Variants in LIG1 observed in about 807,000 individuals in gnomAD.
LIG1 encodes the protein ligase I, DNA, ATP-dependent.
Under a neutral mutation model 115.7 loss-of-function variants are expected in LIG1, and 70 were observed. The ratio of observed to expected loss-of-function variants is 0.60; its 90% CI spans 0.50 to 0.74. The LOEUF is 0.74. Among genes scored for constraint, LIG1 ranks in the 30% least tolerant of loss-of-function variants. The probability of loss-of-function intolerance (pLI) is 0.00; values close to 1 mark genes in which losing one functional copy is unlikely to be tolerated. For synonymous variants in LIG1, 487 were observed against 495.3 expected (o/e 0.98, Z 0.22); for missense variants, 1,115 against 1,225.6 (o/e 0.91, Z 1.35).
At chr19:48,156,410 G>A (rs754452983) in intron 5 of LIG1, among the ~76,000 whole-genome samples, 7 of 152,198 alleles carry the variant, frequency 4.6e-5, no homozygotes, top group Admixed American at 1.3e-4. Flanking sequence ...CCCCGACTGA[G>A]GGCTGGGCCC....
At chr19:48,165,816 A>T in intron 1 of LIG1, 193 bp from the exon 2 acceptor site, 1 of 617,146 alleles carries the variant, frequency 1.6e-6, no homozygotes, top group Non-Finnish European at 2.9e-6. Context: ...AAAAGCTCCA[A>T]ATCAGAGAAA....
At chr19:48,156,727 G>A (rs914034241) in intron 5 of LIG1, among the ~76,000 whole-genome samples, 6 of 152,176 alleles carry the variant, frequency 3.9e-5, no homozygotes, top group African/African-American at 1.2e-4. Flanking sequence ...CGGATCACGA[G>A]GTCAGGAGTT....
In LIG1 at chr19:48,143,418, T is replaced by C. The variant is rs2034902554; in HGVS notation, c.914+125A>G. The C allele has an allele frequency of 1.1e-5, 10 of 885,504 alleles. No homozygotes were observed. The South Asian group carries it at 1.2e-4, about 10-fold the overall frequency. 54.9% of individuals were successfully genotyped at this position (885,504 alleles called of 1,614,324 possible). On this transcript the variant is annotated intron_variant, in intron 11 of 27. Transcript: ENST00000263274. ...TGACCATGTCTGACATCCATGATCA[T>C]ACGCCCGAGCGGGGTCAGAGGCCAA...
In LIG1 at chr19:48,149,762, C is replaced by A; in HGVS notation, c.776+1G>T. On this transcript the variant is annotated splice_donor_variant, in intron 9 of 27. Transcript: ENST00000263274. LOFTEE classifies it high-confidence loss of function. ...CTTTCCAGACCTGGACACTGACTCA[C>A]CCCTCAGCAGCTCCCTCCTTTCCTG... is the stretch of plus-strand genomic sequence containing the variant. 1 of 1,612,962 alleles carries A rather than the reference C, an allele frequency of 6.2e-7. No individual in the cohort carries two copies. The highest frequency in any genetic ancestry group is 8.5e-7 in the Non-Finnish European group (1 of 1,178,920).
chr19:48,124,942 G>A (rs999826754), intron 21 of LIG1, among the ~76,000 whole-genome samples: 12 of 151,554 alleles, frequency 7.9e-5, no homozygotes, highest in African/African-American at 2.9e-4. Context: ...TTGAACGCCA[G>A]AGGCGGAGGC....
intron 6 of LIG1, among the ~76,000 whole-genome samples, 182 bp downstream of exon 6, chr19:48,153,677 CACACACACACACA>C (rs1404338457): frequency 1.4e-5 from 2 of 145,156 alleles, no homozygotes; most frequent in African/African-American, 5.3e-5. Flanking sequence ...CACACACACA[CACACACACACACA>C]CCTCTCCTTC....
At chr19:48,117,557 CA>C (rs1168764397) in intron 26 of LIG1, 80 bp downstream of exon 26, 3 of 1,458,014 alleles carry the variant, frequency 2.1e-6, no homozygotes, top group Middle Eastern at 2.4e-4. Flanking sequence ...AGATGTGAGC[CA>C]AGGTCCCCTC....
In LIG1 at chr19:48,123,191, A is replaced by C. The variant is rs760954030; in HGVS notation, c.2132T>G (p.Leu711Arg). 1.2e-6 allele frequency: 2 copies of C among 1,614,156 alleles called. No homozygotes were observed. Among genetic ancestry groups the C allele is most frequent in the Non-Finnish European group, 1.7e-6 (2 of 1,180,022 alleles). ...TKDIEQIAEF[L>R]EQSVKDSCEG... ...ACCCTCACCTTTCACTGACTGCTCC[A>C]GGAACTCGGCGATCTGCTCGATGTC... is the stretch of plus-strand genomic sequence containing the variant. The change falls in exon 22 of 28, where the codon CTG becomes CGG. Residue 711 changes from leucine to arginine, a missense_variant. By Grantham distance (102) the Leu-to-Arg change is moderately radical. Transcript: ENST00000263274.
intron 24 of LIG1, among the ~76,000 whole-genome samples, chr19:48,119,688 A>G (rs156634): frequency 0.64 from 97,019 of 151,546 alleles, 32,556 homozygotes; most frequent in East Asian, 0.87. Context: ...ACAGGCATGC[A>G]CCACCACGCC....
At chr19:48,135,891 G>GCGCCCCACC in intron 15 of LIG1, 112 bp from the exon 16 acceptor site, 1 of 928,772 alleles carries the variant, frequency 1.1e-6, no homozygotes, top group African/African-American at 1.6e-5. Flanking sequence ...GGCCCAAGAC[G>GCGCCCCACC]CCCCCTCCCC....
chr19:48,150,733 T>C (rs2035418826), intron 7 of LIG1, among the ~76,000 whole-genome samples: 1 of 152,216 alleles, frequency 6.6e-6, no homozygotes, highest in Admixed American at 6.5e-5. Flanking sequence ...GTTCTTGCTC[T>C]GTGGCCAAGG....
chr19:48,146,399 G>A (rs1228329862), intron 9 of LIG1, among the ~76,000 whole-genome samples: 1 of 152,262 alleles, frequency 6.6e-6, no homozygotes. Flanking sequence ...GACGCAGTGA[G>A]TCCAAAATCT....
At position 48,161,444 on chromosome 19, in the gene LIG1, C is replaced by T. The variant is rs748730643; in HGVS notation, c.171G>A (p.Gly57=). ...SESDSPVKRP[G]RKAARVLGSE... ...TGCCCAGGACCCGGGCCGCCTTCCT[C>T]CCTGGCCTCTTCACCGGAGAGTCAC... The change falls in exon 4 of 28, where the codon GGG becomes GGA. Residue 57 remains glycine (G), a synonymous_variant. Transcript: ENST00000263274. The T allele has an allele frequency of 6.2e-7, 1 of 1,614,186 alleles. No individual in the cohort carries two copies. The highest frequency in any genetic ancestry group is 1.1e-5 in the South Asian group (1 of 91,086).
At position 48,137,012 on chromosome 19, in the gene LIG1, C is replaced by T. The variant is rs374979607; in HGVS notation, c.1327G>A (p.Ala443Thr). ...ACRHSEARFI[A>T]RSLSGRLRLG... The stretch of plus-strand genomic sequence containing the variant: ...CTCACAGGCCCACACGCTTACCTAG[C>T]GATGAACCGGGCTTCTGAGTGGCGG... Residue 443 changes from alanine (A) to threonine (T), a missense_variant, in exon 14 of 28, where the codon GCT becomes ACT. Ala to Thr is a moderately conservative substitution (Grantham distance 58). Coordinates refer to ENST00000263274, the MANE Select transcript of LIG1 (RefSeq NM_000234.3). This position sits in a 1 kb window ranked among gnomAD's most constrained non-coding sequence, Gnocchi z 4.3. 4.5e-5 allele frequency: 72 copies of T among 1,611,704 alleles called. No individual in the cohort carries two copies. In the Middle Eastern group the frequency reaches 6.6e-4, roughly 15 times the overall value.
chr19:48,137,369 T>C lies in LIG1; in HGVS notation c.1254+153A>G, dbSNP rs1243556423. ...CTCTGAAGAGGAGACTCCCCTAGGATTGGGTGCAGGAAGGAGGAGAGGAAG... is the reference window on the plus strand; with the variant it reads ...CTCTGAAGAGGAGACTCCCCTAGGACTGGGTGCAGGAAGGAGGAGAGGAAG... On this transcript the variant is annotated intron_variant, in intron 13 of 27. Coordinates refer to ENST00000263274, the MANE Select transcript of LIG1 (RefSeq NM_000234.3). This position sits in a 1 kb window ranked among gnomAD's most constrained non-coding sequence, Gnocchi z 4.3. 1.3e-5 allele frequency among the ~76,000 whole-genome samples: 2 copies of C among 152,190 alleles called. No homozygotes were observed. Among genetic ancestry groups the C allele is most frequent in the Non-Finnish European group, 2.9e-5 (2 of 68,036 alleles).
intron 1 of LIG1, among the ~76,000 whole-genome samples, chr19:48,166,312 G>A (rs538962578): frequency 3.4e-4 from 52 of 152,136 alleles, no homozygotes; most frequent in Non-Finnish European, 6.5e-4. Context: ...CAGGAGAATC[G>A]CTTGAACCCG....
intron 18 of LIG1, 46 bp downstream of exon 18, chr19:48,132,934 CTT>C (rs2034135626): frequency 7.2e-7 from 1 of 1,398,284 alleles, no homozygotes; most frequent in Non-Finnish European, 1.0e-6. Context: ...CACCCCTGCT[CTT>C]TGACGTTTTC....
intron 24 of LIG1, chr19:48,120,297 G>A: frequency 2.0e-6 from 2 of 985,396 alleles, no homozygotes; most frequent in Non-Finnish European, 2.4e-6. Context: ...TTGCCATATT[G>A]CTTAAGGGCA....
At chr19:48,141,873 C>A (rs564946585) in intron 11 of LIG1, among the ~76,000 whole-genome samples, 3 of 152,248 alleles carry the variant, frequency 2.0e-5, no homozygotes, top group African/African-American at 4.8e-5. Context: ...GAACAGCCCC[C>A]CCAAAATTCA....
Sources: allele counts gnomAD v4.1 joint callset (sites outside exome capture counted in the v4.1 genomes callset), GRCh38; gene constraint gnomAD v4.1.1; non-coding constraint Gnocchi (gnomAD v3.1); transcripts MANE v1.5; gene names NCBI Gene and HGNC (gene_info 2026-07-23, HGNC 2026-07-21).